DGKB: variants seen among roughly 807,000 people sequenced by gnomAD.
DGKB encodes 90 kDa diacylglycerol kinase.
A neutral mutation model predicts 114.3 loss-of-function variants in DGKB; 67 were observed. The ratio of observed to expected loss-of-function variants is 0.59; its 90% confidence interval spans 0.48 to 0.72. The LOEUF (loss-of-function observed/expected upper bound fraction) is 0.72, where lower values mean the gene tolerates loss of function less well. DGKB is among the 30% of genes least tolerant of loss of function. DGKB has a pLI of 0.00. For synonymous variants in DGKB, 398 were observed against 323.1 expected (o/e 1.23, Z -2.49); for missense variants, 907 against 975.2 (o/e 0.93, Z 0.93).
At chr7:14,468,087 A>C (rs1456084347) in intron 21 of DGKB, among the ~76,000 whole-genome samples, 2 of 152,226 alleles carry the variant, frequency 1.3e-5, no homozygotes, top group African/African-American at 4.8e-5. Flanking sequence ...TCTATATATT[A>C]GAAATTAAGT....
chr7:14,273,692 C>G (rs1798587504), intron 23 of DGKB, among the ~76,000 whole-genome samples: 1 of 152,222 alleles, frequency 6.6e-6, no homozygotes, highest in Admixed American at 6.5e-5. Context: ...CTGGCTGTAT[C>G]TCCACTGGCT....
chr7:14,448,300 A>T (rs1031341618), intron 21 of DGKB, among the ~76,000 whole-genome samples: 1 of 152,114 alleles, frequency 6.6e-6, no homozygotes, highest in African/African-American at 2.4e-5. Flanking sequence ...TTAAAGAAGG[A>T]TGCTGAAAGT....
At chr7:14,769,230 GAA>G (rs1491373893) in intron 2 of DGKB, among the ~76,000 whole-genome samples, 6 of 88,082 alleles carry the variant, frequency 6.8e-5, no homozygotes, top group African/African-American at 2.0e-4. Flanking sequence ...AAGAGAGAGA[GAA>G]AGAAAGAAAG....
At chr7:14,856,249 T>G (rs1004746263) in intron 1 of DGKB, among the ~76,000 whole-genome samples, 1 of 152,104 alleles carries the variant, frequency 6.6e-6, no homozygotes, top group African/African-American at 2.4e-5. Flanking sequence ...AGATTAAAAT[T>G]TGAAAACTAC....
intron 4 of DGKB, among the ~76,000 whole-genome samples, chr7:14,749,668 T>C (rs960114175): frequency 3.3e-5 from 5 of 152,150 alleles, no homozygotes; most frequent in Admixed American, 6.5e-5. Context: ...TGTGACACTG[T>C]CTTGTCACAC....
intron 20 of DGKB, among the ~76,000 whole-genome samples, chr7:14,482,945 C>A (rs1008534423): frequency 2.0e-5 from 3 of 151,752 alleles, no homozygotes; most frequent in Non-Finnish European, 4.4e-5. Context: ...CTTTATGCTG[C>A]AGAATAGTTA....
chr7:14,597,804 G>A (rs985540912), intron 17 of DGKB, among the ~76,000 whole-genome samples: 5 of 152,030 alleles, frequency 3.3e-5, no homozygotes, highest in Non-Finnish European at 7.4e-5. Context: ...TGAATCAGTA[G>A]GAGAATAACT....
chr7:14,641,623 C>A (rs1386725635), intron 13 of DGKB, among the ~76,000 whole-genome samples: 1 of 151,956 alleles, frequency 6.6e-6, no homozygotes, highest in Non-Finnish European at 1.5e-5. Context: ...AATCCTGACG[C>A]CTTTGATGCT....
intron 2 of DGKB, among the ~76,000 whole-genome samples, chr7:14,788,230 CA>C (rs1365959091): frequency 6.6e-6 from 1 of 152,212 alleles, no homozygotes; most frequent in Non-Finnish European, 1.5e-5. Context: ...GGATCAGGAA[CA>C]CAGAAAGAGC....
chr7:14,884,312 A>C (rs1319125613), intron 1 of DGKB, among the ~76,000 whole-genome samples: 1 of 151,982 alleles, frequency 6.6e-6, no homozygotes, highest in Non-Finnish European at 1.5e-5. Flanking sequence ...GGAACCATTT[A>C]ACTATCCATT....
intron 2 of DGKB, among the ~76,000 whole-genome samples, chr7:14,788,942 G>A (rs1007086245): frequency 2.0e-5 from 3 of 152,114 alleles, no homozygotes; most frequent in African/African-American, 7.2e-5. Flanking sequence ...GTGGGAGGCA[G>A]CACAGATAAA....
chr7:14,638,626 T>A (rs1811179433), intron 13 of DGKB, among the ~76,000 whole-genome samples: 1 of 152,074 alleles, frequency 6.6e-6, no homozygotes, highest in Non-Finnish European at 1.5e-5. Context: ...CTGGGAGTGA[T>A]AAGAATAATG....
At chr7:14,276,766 T>C (rs541102991) in intron 23 of DGKB, among the ~76,000 whole-genome samples, 77 of 152,088 alleles carry the variant, frequency 5.1e-4, no homozygotes, top group African/African-American at 1.7e-3. Context: ...AATAACCACA[T>C]GATGTAGATA....
At chr7:14,350,126 T>C (rs558981113) in intron 21 of DGKB, among the ~76,000 whole-genome samples, 36 of 152,260 alleles carry the variant, frequency 2.4e-4, no homozygotes, top group Middle Eastern at 3.4e-3. Flanking sequence ...GACGAAGAAA[T>C]TGGCTCCCAT....
intron 21 of DGKB, among the ~76,000 whole-genome samples, chr7:14,391,115 G>A (rs1196193151): frequency 1.3e-5 from 2 of 152,206 alleles, no homozygotes; most frequent in Non-Finnish European, 2.9e-5. Flanking sequence ...ACACTTGCTA[G>A]AGGTATTTTG....
At chr7:14,592,778 T>G (rs1449897313) in intron 17 of DGKB, among the ~76,000 whole-genome samples, 1 of 151,970 alleles carries the variant, frequency 6.6e-6, no homozygotes, top group African/African-American at 2.4e-5. Flanking sequence ...TCTGTGGGTT[T>G]CGATGTTTTA....
At chr7:14,523,892 T>A (rs1244549788) in intron 20 of DGKB, among the ~76,000 whole-genome samples, 1 of 152,178 alleles carries the variant, frequency 6.6e-6, no homozygotes, top group Non-Finnish European at 1.5e-5. Flanking sequence ...CCTAGTCATC[T>A]TATTGAGGGG....
At chr7:14,794,697 G>A (rs1054541671) in intron 2 of DGKB, among the ~76,000 whole-genome samples, 4 of 152,116 alleles carry the variant, frequency 2.6e-5, no homozygotes, top group African/African-American at 9.7e-5. Context: ...CTTTCGGTCT[G>A]GCAGGAGGTC....
rs1458240274 is a variant in DGKB at position 14,718,650 on chromosome 7, G to A, written c.358C>T (p.Arg120Trp). The change falls in exon 6 of 26, where the codon CGG becomes TGG. Residue 120 changes from arginine (R) to tryptophan (W), a missense_variant. Arg to Trp is a moderately radical substitution (Grantham distance 101). This residue lies in a region of DGKB where 814 missense variants were observed against 856.6 expected (regional missense o/e 0.95). Coordinates refer to ENST00000402815, the MANE Select transcript of DGKB (RefSeq NM_001350709.2). ...CACGTATTTGCAGGAGAAGTAGTCC[G>A]GGGAGGGGTGATGGCACCTTTATTC... Reference protein sequence around the residue: ...RMNKGAITPPRTTSPANTCSP... With the variant: ...RMNKGAITPPWTTSPANTCSP... 44 of 1,611,460 alleles carry A rather than the reference G, an allele frequency of 2.7e-5. No homozygotes were observed. Among genetic ancestry groups the A allele is most frequent in the Middle Eastern group, 1.6e-4 (1 of 6,074 alleles).
Sources: allele counts gnomAD v4.1 joint callset (sites outside exome capture counted in the v4.1 genomes callset), GRCh38; gene constraint gnomAD v4.1.1; regional missense constraint gnomAD v4.1.1; transcripts MANE v1.5; gene names NCBI Gene and HGNC (gene_info 2026-07-23, HGNC 2026-07-21).